ADAMTS16: variants seen among roughly 807,000 people sequenced by gnomAD.
ADAMTS16 encodes ADAM metallopeptidase with thrombospondin type 1 motif 16, also known as A disintegrin and metalloproteinase with thrombospondin motifs 16.
A neutral mutation model predicts 145.8 loss-of-function variants in ADAMTS16; 94 were observed. The ratio of observed to expected loss-of-function variants is 0.64; its 90% CI spans 0.55 to 0.77. The LOEUF is 0.77. Ranked by LOEUF, ADAMTS16 falls within the 30% of genes least tolerant of loss-of-function variation. ADAMTS16 has a pLI of 0.00. For missense variants in ADAMTS16, 1,585 were observed against 1,591.5 expected (o/e 1.00, Z 0.07); for synonymous variants, 659 against 604.3 (o/e 1.09, Z -1.33).
intron 3 of ADAMTS16, among the ~76,000 whole-genome samples, chr5:5,147,921 T>G (rs1734347876): frequency 6.6e-6 from 1 of 152,158 alleles, no homozygotes; most frequent in South Asian, 2.1e-4. Context: ...GCCCCTGGGT[T>G]TCCCTGAGCC....
intron 18 of ADAMTS16, among the ~76,000 whole-genome samples, chr5:5,286,568 A>T (rs1739108291): frequency 6.6e-6 from 1 of 152,196 alleles, no homozygotes; most frequent in Non-Finnish European, 1.5e-5. Flanking sequence ...AATATTTTAA[A>T]GAGTTTTTAG....
intron 18 of ADAMTS16, among the ~76,000 whole-genome samples, chr5:5,264,163 G>A (rs1433533831): frequency 1.3e-5 from 2 of 152,236 alleles, no homozygotes; most frequent in South Asian, 2.1e-4. Context: ...AGGCATTATT[G>A]AGAAAGAACC....
At chr5:5,188,447 G>A (rs1217872895) in intron 6 of ADAMTS16, among the ~76,000 whole-genome samples, 2 of 152,268 alleles carry the variant, frequency 1.3e-5, no homozygotes, top group East Asian at 3.9e-4. Flanking sequence ...TCACAGAAAG[G>A]ATGGACATGA....
At chr5:5,159,294 G>A (rs1191627178) in intron 3 of ADAMTS16, among the ~76,000 whole-genome samples, 1 of 152,178 alleles carries the variant, frequency 6.6e-6, no homozygotes, top group African/African-American at 2.4e-5. Context: ...GAAAAACATG[G>A]CTTTTTGAGT....
At chr5:5,236,244 T>A (rs973415406) in intron 13 of ADAMTS16, among the ~76,000 whole-genome samples, 5 of 152,006 alleles carry the variant, frequency 3.3e-5, no homozygotes, top group African/African-American at 9.7e-5. Context: ...TAGATGAGTC[T>A]CAGGCCTATA....
chr5:5,155,831 C>T (rs1171856567), intron 3 of ADAMTS16, among the ~76,000 whole-genome samples: 1 of 151,828 alleles, frequency 6.6e-6, no homozygotes, highest in Non-Finnish European at 1.5e-5. Context: ...CAGGAGCTGA[C>T]AAGAAGTCCA....
chr5:5,234,540 C>A (rs1737036049), intron 12 of ADAMTS16, among the ~76,000 whole-genome samples: 1 of 152,164 alleles, frequency 6.6e-6, no homozygotes, highest in African/African-American at 2.4e-5. Flanking sequence ...TGCAACCTTA[C>A]CATTCGTGTG....
intron 10 of ADAMTS16, among the ~76,000 whole-genome samples, chr5:5,216,628 T>C (rs1400250750): frequency 2.0e-5 from 3 of 151,766 alleles, no homozygotes; most frequent in Admixed American, 2.0e-4. Context: ...TATTATACTT[T>C]AAGTTTTAGG....
At chr5:5,183,506 C>G (rs532741209) in intron 4 of ADAMTS16, among the ~76,000 whole-genome samples, 3 of 152,218 alleles carry the variant, frequency 2.0e-5, no homozygotes, top group Non-Finnish European at 4.4e-5. Context: ...GTGGCCCACA[C>G]ACCTGGATCT....
At chr5:5,178,111 C>T (rs1579290969) in intron 3 of ADAMTS16, among the ~76,000 whole-genome samples, 2 of 152,188 alleles carry the variant, frequency 1.3e-5, no homozygotes, top group South Asian at 2.1e-4. Flanking sequence ...ATCCTACTGC[C>T]GAGCTTCAAT....
intron 20 of ADAMTS16, among the ~76,000 whole-genome samples, chr5:5,305,728 A>G (rs78962105): frequency 0.02 from 3,014 of 152,216 alleles, 101 homozygotes; most frequent in African/African-American, 0.069. Flanking sequence ...TCTGCTGGGG[A>G]ACCTGGGGAC....
At chr5:5,251,730 GCAT>G (rs1461397853) in intron 17 of ADAMTS16, among the ~76,000 whole-genome samples, 1 of 152,234 alleles carries the variant, frequency 6.6e-6, no homozygotes, top group Non-Finnish European at 1.5e-5. Flanking sequence ...GATGCTCTCT[GCAT>G]CGTAGGACCC....
rs566666816 is a variant in ADAMTS16 at position 5,240,595 on chromosome 5, A to G, written c.2523+670A>G. On this transcript the variant is annotated intron_variant, in intron 16 of 22. Transcript: ENST00000274181. Reference sequence around the variant, plus strand: ...CAGTTGAAAGAAGGTTCTTGGTTCAAAAGTTGCCCCATCCACCTACACCTT... The same window carrying G: ...CAGTTGAAAGAAGGTTCTTGGTTCAGAAGTTGCCCCATCCACCTACACCTT... Among the ~76,000 whole-genome samples, 3 of 152,302 alleles carry G rather than the reference A, an allele frequency of 2.0e-5. No homozygotes were observed. In the South Asian group the frequency reaches 6.2e-4, roughly 32 times the overall value.
chr5:5,157,765 T>C (rs1386321516), intron 3 of ADAMTS16, among the ~76,000 whole-genome samples: 4 of 152,242 alleles, frequency 2.6e-5, no homozygotes, highest in African/African-American at 9.6e-5. Context: ...GCAAGAGCTT[T>C]TCCTTCAATG....
rs774053183 is a variant in ADAMTS16 at position 5,306,564 on chromosome 5, G to C, written c.3247G>C (p.Val1083Leu). 6.2e-7 allele frequency: 1 copy of C among 1,614,220 alleles called. No homozygotes were observed. The highest frequency in any genetic ancestry group is 1.7e-5 in the Admixed American group (1 of 60,030). Residue 1083 changes from valine to leucine, a missense_variant, in exon 21 of 23, where the codon GTT (valine) becomes CTT (leucine). Coordinates refer to ENST00000274181, the MANE Select transcript of ADAMTS16 (RefSeq NM_139056.4). ...ATTCTTAAAATGTGCTGAAAAGTAT[G>C]TTTCTGGAAAGTATCGAGAGCTGGC... ...KRFLKCAEKYVSGKYRELASK... is the reference protein window; with the variant it reads ...KRFLKCAEKYLSGKYRELASK...
At chr5:5,180,868 G>A (rs1218055836) in intron 3 of ADAMTS16, among the ~76,000 whole-genome samples, 2 of 152,132 alleles carry the variant, frequency 1.3e-5, no homozygotes, top group Non-Finnish European at 2.9e-5. Flanking sequence ...CTTACAGAAT[G>A]TAACTATGGA....
chr5:5,160,757 C>A (rs1331886212), intron 3 of ADAMTS16, among the ~76,000 whole-genome samples: 23 of 143,192 alleles, frequency 1.6e-4, no homozygotes, highest in Admixed American at 1.4e-4. Flanking sequence ...AAAAATATAC[C>A]AAAAAAAAAA....
chr5:5,159,630 A>C (rs1380232971), intron 3 of ADAMTS16, among the ~76,000 whole-genome samples: 1 of 152,244 alleles, frequency 6.6e-6, no homozygotes, highest in Non-Finnish European at 1.5e-5. Context: ...ACTGACCTTC[A>C]GAGAAGTCCC....
At chr5:5,189,024 C>T (rs940240730) in intron 6 of ADAMTS16, among the ~76,000 whole-genome samples, 11 of 152,166 alleles carry the variant, frequency 7.2e-5, no homozygotes, top group African/African-American at 1.2e-4. Context: ...GGCTTGCCCC[C>T]GTGTTTGTGT....
Sources: allele counts gnomAD v4.1 joint callset (sites outside exome capture counted in the v4.1 genomes callset), GRCh38; gene constraint gnomAD v4.1.1; transcripts MANE v1.5; gene names NCBI Gene and HGNC (gene_info 2026-07-23, HGNC 2026-07-21).